The following NEO1 variants were observed in gnomAD, a reference collection of about 807,000 sequenced individuals.
NEO1 encodes the protein neogenin.
In NEO1, 63 loss-of-function variants were observed where a neutral mutation model predicts 159.7. That is an observed-to-expected ratio of 0.39 (90% CI 0.32 to 0.49). The LOEUF (loss-of-function observed/expected upper bound fraction) is 0.49, where lower values mean the gene tolerates loss of function less well. NEO1 is among the 20% of genes least tolerant of loss of function. The pLI, the probability that NEO1 is intolerant of heterozygous loss-of-function variation, is 0.85. For synonymous variants in NEO1, 633 were observed against 662.0 expected, an observed-to-expected ratio of 0.96 and a Z score of 0.67; for missense variants, 1,615 against 1,831.0, an observed-to-expected ratio of 0.88 and a Z score of 2.15.
intron 1 of NEO1, among the ~76,000 whole-genome samples, chr15:73,064,784 T>G (rs1055235398): frequency 6.6e-6 from 1 of 152,188 alleles, no homozygotes; most frequent in Non-Finnish European, 1.5e-5. Context: ...CATATATTTA[T>G]GTTATGTTTG....
At chr15:73,189,300 G>T (rs2036110158) in intron 7 of NEO1, among the ~76,000 whole-genome samples, 1 of 152,200 alleles carries the variant, frequency 6.6e-6, no homozygotes, top group Non-Finnish European at 1.5e-5. Context: ...ACCTCTGTAA[G>T]ACCTGAGTAC....
chr15:73,244,979 A>AAAAAAAAAAAC (rs2039703492), intron 9 of NEO1, among the ~76,000 whole-genome samples: 1 of 141,292 alleles, frequency 7.1e-6, no homozygotes, highest in East Asian at 2.3e-4. Flanking sequence ...AAAAAAAAAA[A>AAAAAAAAAAAC]AAAACAACAG....
rs543688785 is a variant in NEO1 at position 73,278,058 on chromosome 15, A to G, written c.3194-73A>G. On this transcript the variant is annotated intron_variant, in intron 21 of 28. Coordinates refer to ENST00000261908, the MANE Select transcript of NEO1 (RefSeq NM_002499.4). ...AAAAATTGTGTTTTTTGTTTAAAACACTCCCTAGCTATGAAGTGGACTGTC... is the reference window on the plus strand; with the variant it reads ...AAAAATTGTGTTTTTTGTTTAAAACGCTCCCTAGCTATGAAGTGGACTGTC... 3.0e-6 allele frequency: 4 copies of G among 1,333,446 alleles called. No individual in the cohort carries two copies. In the South Asian group the frequency reaches 3.9e-5, roughly 13 times the overall value. 82.6% of individuals were successfully genotyped at this position (1,333,446 alleles called of 1,614,324 possible). A position where few individuals can be genotyped will look rare whatever the true frequency, so the allele number is the denominator to read the frequency against.
At chr15:73,153,452 A>T (rs2151846708) in intron 5 of NEO1, among the ~76,000 whole-genome samples, 1 of 152,264 alleles carries the variant, frequency 6.6e-6, no homozygotes, top group Middle Eastern at 3.4e-3. Context: ...ACCCTGGAGA[A>T]ATCTTCCCAT....
intron 7 of NEO1, among the ~76,000 whole-genome samples, chr15:73,230,248 G>GT (rs1359791645): frequency 6.6e-6 from 1 of 152,102 alleles, no homozygotes; most frequent in Non-Finnish European, 1.5e-5. Context: ...CAGACTTCAT[G>GT]TTTTTTCTTG....
At chr15:73,112,430 AT>A (rs1034022045) in intron 1 of NEO1, among the ~76,000 whole-genome samples, 20 of 151,514 alleles carry the variant, frequency 1.3e-4, no homozygotes, top group Middle Eastern at 3.4e-3. Flanking sequence ...GCCATAAAAA[AT>A]TTTTTTTTAA....
chr15:73,135,842 T>A, intron 4 of NEO1, 49 bp from the exon 5 acceptor site: 1 of 1,433,894 alleles, frequency 7.0e-7, no homozygotes. Flanking sequence ...CAGGTATTAT[T>A]TTCCTAGTAC....
chr15:73,091,658 G>A (rs2069699482), intron 1 of NEO1, among the ~76,000 whole-genome samples: 1 of 151,916 alleles, frequency 6.6e-6, no homozygotes, highest in African/African-American at 2.4e-5. Flanking sequence ...GACCTCCCTG[G>A]GCTCAGGTGA....
At chr15:73,111,936 A>G (rs114860306) in intron 1 of NEO1, among the ~76,000 whole-genome samples, 310 of 152,224 alleles carry the variant, frequency 2.0e-3, no homozygotes, top group African/African-American at 7.3e-3. Flanking sequence ...CACCCAGCCA[A>G]TGTAGTATTT....
chr15:73,301,212 G>A, intron 27 of NEO1, 109 bp from the exon 28 acceptor site: 1 of 1,403,520 alleles, frequency 7.1e-7, no homozygotes, highest in East Asian at 2.5e-5. Flanking sequence ...TCCCTGCACT[G>A]GGTCTGTATG....
chr15:73,259,395 T>A (rs2040517421), intron 14 of NEO1, among the ~76,000 whole-genome samples: 1 of 95,412 alleles, frequency 1.0e-5, no homozygotes. Context: ...TGAAAAGGGA[T>A]CTCACACTGT....
intron 7 of NEO1, among the ~76,000 whole-genome samples, chr15:73,202,332 T>C (rs1468417028): frequency 6.6e-6 from 1 of 152,160 alleles, no homozygotes; most frequent in Non-Finnish European, 1.5e-5. Context: ...CTATAATCAC[T>C]AATACATGAA....
At chr15:73,084,285 C>G (rs1351762503) in intron 1 of NEO1, among the ~76,000 whole-genome samples, 1 of 152,098 alleles carries the variant, frequency 6.6e-6, no homozygotes, top group African/African-American at 2.4e-5. Flanking sequence ...AATTTTTTAT[C>G]CTTTTGCTAA....
At chr15:73,160,841 G>T (rs1043764799) in intron 5 of NEO1, among the ~76,000 whole-genome samples, 2 of 152,080 alleles carry the variant, frequency 1.3e-5, no homozygotes, top group African/African-American at 4.8e-5. Flanking sequence ...CATTGTGTAG[G>T]CATGATTGAT....
At chr15:73,257,659 T>C (rs557181128) in intron 13 of NEO1, among the ~76,000 whole-genome samples, 15 of 152,336 alleles carry the variant, frequency 9.8e-5, no homozygotes, top group Admixed American at 3.3e-4. Flanking sequence ...ATATGTATTG[T>C]ATACCTTAGT....
At chr15:73,191,726 A>T (rs2036246927) in intron 7 of NEO1, among the ~76,000 whole-genome samples, 1 of 152,062 alleles carries the variant, frequency 6.6e-6, no homozygotes, top group Non-Finnish European at 1.5e-5. Flanking sequence ...ACCAGATTGT[A>T]AGGCATCTGT....
At chr15:73,178,448 C>A in intron 7 of NEO1, 21 bp downstream of exon 7, 1 of 1,612,434 alleles carries the variant, frequency 6.2e-7, no homozygotes, top group South Asian at 1.1e-5. Context: ...CTGAAATAGT[C>A]AGATGATAGA....
At chr15:73,062,373 T>A (rs1441339296) in intron 1 of NEO1, among the ~76,000 whole-genome samples, 1 of 152,234 alleles carries the variant, frequency 6.6e-6, no homozygotes, top group Non-Finnish European at 1.5e-5. Flanking sequence ...ATTGATTCAT[T>A]TATAAATATA....
intron 16 of NEO1, among the ~76,000 whole-genome samples, chr15:73,267,212 C>T (rs2040947068): frequency 6.6e-6 from 1 of 152,130 alleles, no homozygotes; most frequent in African/African-American, 2.4e-5. Flanking sequence ...GAGCCAAGAT[C>T]GTGCCACTGC....
Sources: allele counts gnomAD v4.1 joint callset (sites outside exome capture counted in the v4.1 genomes callset), GRCh38; gene constraint gnomAD v4.1.1; transcripts MANE v1.5; gene names NCBI Gene and HGNC (gene_info 2026-07-23, HGNC 2026-07-21).